PPP1R21: variants seen among roughly 807,000 people sequenced by gnomAD.
PPP1R21 encodes the protein protein phosphatase 1 regulatory subunit 21.
In PPP1R21, 85 loss-of-function variants were observed where a neutral mutation model predicts 112.8. The ratio of observed to expected loss-of-function variants is 0.75; its 90% CI spans 0.63 to 0.90. PPP1R21 has a LOEUF of 0.90. Among genes scored for constraint, PPP1R21 ranks in the 40% least tolerant of loss-of-function variants. The pLI, the probability that PPP1R21 is intolerant of heterozygous loss-of-function variation, is 0.00. For synonymous variants in PPP1R21, 381 were observed against 322.3 expected, an observed-to-expected ratio of 1.18 and a Z score of -1.95; for missense variants, 1,199 against 901.5, an observed-to-expected ratio of 1.33 and a Z score of -4.23.
chr2:48,475,733 G>A (rs1429088443), intron 12 of PPP1R21, among the ~76,000 whole-genome samples: 1 of 152,056 alleles, frequency 6.6e-6, no homozygotes, highest in African/African-American at 2.4e-5. Flanking sequence ...TGTAATCCCA[G>A]CTACTCGGGA....
intron 3 of PPP1R21, among the ~76,000 whole-genome samples, chr2:48,456,943 T>A (rs1231445522): frequency 6.6e-6 from 1 of 152,086 alleles, no homozygotes; most frequent in East Asian, 1.9e-4. Flanking sequence ...TCCCAGCTAC[T>A]TGGGAGGCTG....
At chr2:48,503,527 T>C (rs76625037) in intron 17 of PPP1R21, among the ~76,000 whole-genome samples, 2,521 of 152,300 alleles carry the variant, frequency 0.017, 60 homozygotes, top group African/African-American at 0.055. Flanking sequence ...GAATTACTAC[T>C]TCAGAAGGCA....
chr2:48,472,978 C>T (rs536227231), intron 11 of PPP1R21, among the ~76,000 whole-genome samples: 1 of 146,358 alleles, frequency 6.8e-6, no homozygotes, highest in African/African-American at 2.5e-5. Flanking sequence ...ATTATATCAG[C>T]CTGGGTGATA....
At chr2:48,463,266 G>A (rs1668056276) in intron 7 of PPP1R21, among the ~76,000 whole-genome samples, 2 of 152,170 alleles carry the variant, frequency 1.3e-5, no homozygotes, top group South Asian at 4.1e-4. Flanking sequence ...GAGGCAGAGG[G>A]GAGCTGTGGA....
At chr2:48,476,830 A>G (rs1351010462) in intron 12 of PPP1R21, among the ~76,000 whole-genome samples, 1 of 152,120 alleles carries the variant, frequency 6.6e-6, no homozygotes, top group African/African-American at 2.4e-5. Flanking sequence ...TTCTTTATGT[A>G]TTATACATAC....
intron 17 of PPP1R21, among the ~76,000 whole-genome samples, chr2:48,499,218 A>T (rs1669989546): frequency 6.6e-6 from 1 of 152,256 alleles, no homozygotes; most frequent in South Asian, 2.1e-4. Context: ...ACTCTAGAAG[A>T]ATGCTGGTTA....
In PPP1R21 at chr2:48,459,906, G is replaced by C. The variant is rs1205537972; in HGVS notation, c.528G>C (p.Lys176Asn). The C allele has an allele frequency of 6.2e-6, 10 of 1,613,676 alleles. No individual in the cohort carries two copies. Among genetic ancestry groups the C allele is most frequent in the Non-Finnish European group, 8.5e-6 (10 of 1,179,872 alleles). The change falls in exon 5 of 22, where the codon AAG (lysine) becomes AAC (asparagine). Residue 176 changes from lysine to asparagine, a missense_variant. By Grantham distance (94) the Lys-to-Asn change is moderately conservative. Transcript: ENST00000294952. ...METIEKLQND[K>N]AKLEVKSQTL... is the part of the protein sequence containing the mutation. The stretch of plus-strand genomic sequence containing the variant: ...CCATTGAGAAGCTGCAGAACGACAA[G>C]GCTAAACTAGAAGTAAGCCCCATTG...
intron 9 of PPP1R21, among the ~76,000 whole-genome samples, chr2:48,470,688 A>G (rs1335147112): frequency 1.3e-5 from 2 of 152,110 alleles, no homozygotes; most frequent in East Asian, 3.8e-4. Context: ...TGATTTTCAA[A>G]TCTTTTTTGT....
At position 48,458,365 on chromosome 2, in the gene PPP1R21, C is replaced by G; in HGVS notation, c.375+138C>G. 1 of 542,768 alleles carries G rather than the reference C, an allele frequency of 1.8e-6. No individual in the cohort carries two copies. Among genetic ancestry groups the G allele is most frequent in the South Asian group, 2.0e-5 (1 of 50,626 alleles). 33.6% of individuals were successfully genotyped at this position (542,768 alleles called of 1,614,324 possible). A position where few individuals can be genotyped will look rare whatever the true frequency, so the allele number is the denominator to read the frequency against. On this transcript the variant is annotated intron_variant, in intron 4 of 21. Transcript: ENST00000294952. ...CTATGGTCTTCAAGTATATATGTCACTGTCACTTATTCATTTCTTAAATAT... is the reference window on the plus strand; with the variant it reads ...CTATGGTCTTCAAGTATATATGTCAGTGTCACTTATTCATTTCTTAAATAT...
rs1169146479 is a variant in PPP1R21 at position 48,511,425 on chromosome 2, C to T, written c.2270C>T (p.Ser757Phe). Residue 757 changes from serine to phenylalanine, a missense_variant, in exon 21 of 22, where the codon TCT (serine) becomes TTT (phenylalanine). Transcript: ENST00000294952. ...CTGTGCAGCATGAATGAGACATTAT[C>T]TAAACAGAGAGAAGAGATTGACACA... ...DHLCSMNETL[S>F]KQREEIDTLK... 5.0e-6 allele frequency: 8 copies of T among 1,613,892 alleles called. No homozygotes were observed. The Admixed American group carries it at 1.3e-4, about 27-fold the overall frequency.
chr2:48,510,751 G>A (rs375103453), intron 20 of PPP1R21, among the ~76,000 whole-genome samples: 7 of 152,220 alleles, frequency 4.6e-5, no homozygotes, highest in African/African-American at 1.4e-4. Flanking sequence ...AGGCCATCGA[G>A]GCATAGGATG....
intron 20 of PPP1R21, among the ~76,000 whole-genome samples, chr2:48,510,458 C>T (rs1416388211): frequency 6.6e-6 from 1 of 152,192 alleles, no homozygotes; most frequent in Non-Finnish European, 1.5e-5. Context: ...TTTCCTGTTG[C>T]ATAAAACGGA....
At chr2:48,466,548 C>T (rs1324679056) in intron 9 of PPP1R21, among the ~76,000 whole-genome samples, 1 of 151,960 alleles carries the variant, frequency 6.6e-6, no homozygotes. Flanking sequence ...TTTAAAAGAC[C>T]TCAGTGTGAG....
chr2:48,474,985 A>G (rs113010979), intron 12 of PPP1R21, among the ~76,000 whole-genome samples, 166 bp downstream of exon 12: 1 of 152,206 alleles, frequency 6.6e-6, no homozygotes, highest in Non-Finnish European at 1.5e-5. Flanking sequence ...ACCTTGGGCA[A>G]AGCTCTTGAC....
At chr2:48,483,041 A>G (rs965957639) in intron 13 of PPP1R21, among the ~76,000 whole-genome samples, 1 of 151,288 alleles carries the variant, frequency 6.6e-6, no homozygotes, top group Admixed American at 6.6e-5. Flanking sequence ...GCAGTATTTG[A>G]TTTTCTGTTT....
chr2:48,496,280 A>T (rs558649221), intron 16 of PPP1R21, among the ~76,000 whole-genome samples: 4 of 152,124 alleles, frequency 2.6e-5, no homozygotes, highest in Admixed American at 6.5e-5. Flanking sequence ...TCCTTGTTAC[A>T]GTAAATGGAA....
At chr2:48,506,195 G>A (rs1378551095) in intron 18 of PPP1R21, among the ~76,000 whole-genome samples, 1 of 152,220 alleles carries the variant, frequency 6.6e-6, no homozygotes, top group Non-Finnish European at 1.5e-5. Flanking sequence ...CCGGGTACAA[G>A]TTATTCTCCT....
chr2:48,474,989 T>C (rs970712636), intron 12 of PPP1R21, among the ~76,000 whole-genome samples, 170 bp downstream of exon 12: 5 of 152,208 alleles, frequency 3.3e-5, no homozygotes, highest in African/African-American at 9.7e-5. Flanking sequence ...TGGGCAAAGC[T>C]CTTGACCTCT....
chr2:48,509,702 C>G (rs550688286), intron 19 of PPP1R21, among the ~76,000 whole-genome samples: 1 of 151,228 alleles, frequency 6.6e-6, no homozygotes, highest in Non-Finnish European at 1.5e-5. Flanking sequence ...AAGACTCCGT[C>G]TCAAAAAAAG....
Sources: allele counts gnomAD v4.1 joint callset (sites outside exome capture counted in the v4.1 genomes callset), GRCh38; gene constraint gnomAD v4.1.1; transcripts MANE v1.5; gene names NCBI Gene and HGNC (gene_info 2026-07-23, HGNC 2026-07-21).